Variants in SLC38A4 observed in about 807,000 individuals in gnomAD.
SLC38A4 encodes the protein sodium-coupled neutral amino acid transporter 4.
A neutral mutation model predicts 63.1 loss-of-function variants in SLC38A4; 20 were observed. The observed-to-expected ratio is 0.32, with a 90% CI of 0.22 to 0.46. The LOEUF is 0.46. SLC38A4 is among the 20% of genes least tolerant of loss of function. The pLI is 1.00. For missense variants in SLC38A4, 526 were observed against 663.6 expected (o/e 0.79, Z 2.28); for synonymous variants, 230 against 225.5 (o/e 1.02, Z -0.18).
At position 46,820,236 on chromosome 12, in the gene SLC38A4, G is replaced by A. The variant is rs558498793; in HGVS notation, c.-305+5667C>T. 2.8e-4 allele frequency among the ~76,000 whole-genome samples: 43 copies of A among 151,948 alleles called. No homozygotes were observed. In the South Asian group the frequency reaches 5.4e-3, roughly 19 times the overall value. ...AATCTACCCTATTAACAACACTTTC[G>A]TGCCTAACGATAGGCATTATGCTAT... On this transcript the variant is annotated intron_variant, in intron 1 of 16. Coordinates refer to ENST00000266579, the MANE Select transcript of SLC38A4 (RefSeq NM_018018.5).
chr12:46,785,242 T>A (rs1938734076), intron 5 of SLC38A4, 65 bp from the exon 6 acceptor site: 2 of 1,261,394 alleles, frequency 1.6e-6, no homozygotes, highest in South Asian at 2.5e-5. Flanking sequence ...TTATGTTAGA[T>A]GTTACAATAA....
Position 46,787,928 on chromosome 12 carries a change from A to G in SLC38A4, c.314T>C (p.Ile105Thr). The change falls in exon 5 of 17, where the codon ATC becomes ACC. Residue 105 changes from isoleucine to threonine, a missense_variant. Physicochemically the swap from Ile to Thr is moderately conservative, Grantham distance 89. Transcript: ENST00000266579. ...TACATTCACTTACATAAAAAGTATG[A>G]TCCCTGTGTTGGCCATGGCATAGGA... ...GLSYAMANTG[I>T]ILFIIMLLAV... The G allele has an allele frequency of 1.2e-6, 2 of 1,612,288 alleles. No homozygotes were observed. The highest frequency in any genetic ancestry group is 1.7e-4 in the Middle Eastern group (1 of 6,050).
chr12:46,784,724 C>T lies in SLC38A4; in HGVS notation c.401-90G>A. 7 of 981,274 alleles carry T rather than the reference C, an allele frequency of 7.1e-6. No homozygotes were observed. In the South Asian group the frequency reaches 9.6e-5, roughly 13 times the overall value. 60.8% of individuals were successfully genotyped at this position (981,274 alleles called of 1,614,324 possible). On this transcript the variant is annotated intron_variant, in intron 6 of 16. Coordinates refer to ENST00000266579, the MANE Select transcript of SLC38A4 (RefSeq NM_018018.5). ...TATAATTCCATGCTGGAGTCTCAAA[C>T]ATGTAAATAAACATCATATAGAAAT...
At chr12:46,826,661 A>C (rs1033596803), upstream of SLC38A4, among the ~76,000 whole-genome samples, 2 of 152,176 alleles carry the variant, frequency 1.3e-5, no homozygotes, top group Non-Finnish European at 2.9e-5. Context: ...TCAGGCAAAA[A>C]GTGGGAGAGC....
Position 46,764,938 on chromosome 12 carries a change from ATAT to A in SLC38A4, c.*1760_*1762del, listed in dbSNP as rs928184584. 2 of 152,600 alleles carry A rather than the reference ATAT, an allele frequency of 1.3e-5. No homozygotes were observed. The highest frequency in any genetic ancestry group is 2.4e-5 in the African/African-American group (1 of 41,462). 9.5% of individuals were successfully genotyped at this position (152,600 alleles called of 1,614,324 possible). ...CATATGTATGTCTGCCCTGCAGTAT[ATAT>A]GAATTTTAATCCTGGTTATGAAGAA... On this transcript the variant is annotated 3_prime_UTR_variant, in exon 17 of 17. Coordinates refer to ENST00000266579, the MANE Select transcript of SLC38A4 (RefSeq NM_018018.5).
chr12:46,779,570 T>C (rs1180548348), intron 10 of SLC38A4, 41 bp downstream of exon 10: 1 of 1,545,796 alleles, frequency 6.5e-7, no homozygotes, highest in Non-Finnish European at 8.7e-7. Context: ...AAAAAACTCA[T>C]GCTAACCAAC....
At chr12:46,777,046 CAAA>C in intron 12 of SLC38A4, 42 bp from the exon 13 acceptor site, 1 of 1,465,012 alleles carries the variant, frequency 6.8e-7, no homozygotes, top group Non-Finnish European at 9.3e-7. Flanking sequence ...TTTAAACTTA[CAAA>C]AAAAAATCAC....
At chr12:46,811,932 T>C (rs890872351) in intron 1 of SLC38A4, among the ~76,000 whole-genome samples, 1 of 152,080 alleles carries the variant, frequency 6.6e-6, no homozygotes, top group Non-Finnish European at 1.5e-5. Context: ...ATAGAAATCC[T>C]GACTCTTCCT....
At chr12:46,776,552 A>G (rs527484237) in intron 13 of SLC38A4, among the ~76,000 whole-genome samples, 13 of 152,020 alleles carry the variant, frequency 8.6e-5, no homozygotes, top group South Asian at 2.1e-4. Flanking sequence ...TAATTCCATC[A>G]AAGGAGCTTT....
chr12:46,807,401 C>T (rs981323623), intron 1 of SLC38A4, among the ~76,000 whole-genome samples: 2 of 151,756 alleles, frequency 1.3e-5, no homozygotes, highest in Non-Finnish European at 2.9e-5. Flanking sequence ...TTTTTTTAAT[C>T]ACATCATAGG....
intron 3 of SLC38A4, among the ~76,000 whole-genome samples, chr12:46,791,921 G>A (rs1938896736): frequency 6.6e-6 from 1 of 152,074 alleles, no homozygotes; most frequent in Non-Finnish European, 1.5e-5. Flanking sequence ...GGAGCAGAAT[G>A]AGTGAAGGCA....
At chr12:46,801,544 A>C (rs868175051) in intron 2 of SLC38A4, among the ~76,000 whole-genome samples, 1 of 152,098 alleles carries the variant, frequency 6.6e-6, no homozygotes, top group Non-Finnish European at 1.5e-5. Flanking sequence ...ATGCCTACCC[A>C]GTATTGACAA....
At chr12:46,806,826 A>T (rs1939242320) in intron 1 of SLC38A4, among the ~76,000 whole-genome samples, 3 of 152,030 alleles carry the variant, frequency 2.0e-5, no homozygotes, top group Admixed American at 2.0e-4. Context: ...TCTATTGAAA[A>T]TACAAGAATG....
At chr12:46,788,356 GC>G (rs543373062) in intron 4 of SLC38A4, among the ~76,000 whole-genome samples, 171 bp downstream of exon 4, 15 of 152,308 alleles carry the variant, frequency 9.8e-5, no homozygotes, top group Middle Eastern at 3.4e-3. Context: ...GATTCATGCA[GC>G]CATATGGCGA....
Position 46,770,234 on chromosome 12 carries a change from T to C in SLC38A4, c.1300-806A>G, listed in dbSNP as rs575223209. On this transcript the variant is annotated intron_variant, in intron 14 of 16. Transcript: ENST00000266579. ...CACTGAATTGATTTACACAAGATTGTGAAAGGAATTTTTATGAATCTAGGT... is the reference window on the plus strand; with the variant it reads ...CACTGAATTGATTTACACAAGATTGCGAAAGGAATTTTTATGAATCTAGGT... Among the ~76,000 whole-genome samples, 6 of 152,092 alleles carry C rather than the reference T, an allele frequency of 3.9e-5. No individual in the cohort carries two copies. The South Asian group carries it at 1.2e-3, about 32-fold the overall frequency.
chr12:46,819,082 T>TTGAAGAAGGCAGA (rs1939493594), intron 1 of SLC38A4, among the ~76,000 whole-genome samples: 2 of 151,694 alleles, frequency 1.3e-5, no homozygotes, highest in South Asian at 4.1e-4. Context: ...AATTTTGGAG[T>TTGAAGAAGGCAGA]TTGAGAATGA....
intron 1 of SLC38A4, among the ~76,000 whole-genome samples, chr12:46,823,683 A>G (rs1446304432): frequency 6.6e-6 from 1 of 152,238 alleles, no homozygotes; most frequent in Non-Finnish European, 1.5e-5. Flanking sequence ...AGAATGTGAA[A>G]TTCCGAAACC....
chr12:46,794,593 C>G (rs1036653924), intron 2 of SLC38A4, among the ~76,000 whole-genome samples: 7 of 150,788 alleles, frequency 4.6e-5, no homozygotes, highest in African/African-American at 1.7e-4. Context: ...AAAAACTCAG[C>G]TGAAGGAAGA....
intron 1 of SLC38A4, among the ~76,000 whole-genome samples, chr12:46,804,704 C>T (rs1232218790): frequency 1.3e-5 from 2 of 151,924 alleles, no homozygotes; most frequent in Non-Finnish European, 2.9e-5. Context: ...CAAATGTGCC[C>T]GTTTGGTCTA....
Sources: gnomAD v4.1 joint callset for allele counts (sites outside exome capture counted in the v4.1 genomes callset) on GRCh38, gnomAD v4.1.1 for gene constraint, MANE v1.5 for transcripts, NCBI Gene and HGNC (gene_info 2026-07-23, HGNC 2026-07-21) for gene names.